Variants in VPS13D observed in about 807,000 individuals in gnomAD.
VPS13D encodes intermembrane lipid transfer protein VPS13D.
Under a neutral mutation model 461.9 loss-of-function variants are expected in VPS13D, and 187 were observed. The ratio of observed to expected loss-of-function variants is 0.40; its 90% CI spans 0.36 to 0.46. The LOEUF (loss-of-function observed/expected upper bound fraction) is 0.46, where lower values mean the gene tolerates loss of function less well. VPS13D is among the 20% of genes least tolerant of loss of function. The pLI is 0.60. For missense variants in VPS13D, 4,711 were observed against 5,364.9 expected (o/e 0.88, Z 3.81); for synonymous variants, 1,951 against 1,986.3 (o/e 0.98, Z 0.47).
Position 12,333,281 on chromosome 1 carries a change from A to C in VPS13D, c.8343A>C (p.Ala2781=), listed in dbSNP as rs747379734. The change falls in exon 38 of 70, where the codon GCA becomes GCC. Residue 2781 remains alanine (A), a synonymous_variant. Coordinates refer to ENST00000620676, the MANE Select transcript of VPS13D (RefSeq NM_015378.4). ...GCTCTGTATCCTGGCAACAGCAGGC[A>C]GCTAGTCGTCTCCATCCTCCTCGAC... ...WPCSVSWQQQ[A]ASRLHPPRLK... 9.3e-6 allele frequency: 15 copies of C among 1,614,144 alleles called. No individual in the cohort carries two copies. The highest frequency in any genetic ancestry group is 1.3e-5 in the Non-Finnish European group (15 of 1,179,978).
intron 67 of VPS13D, among the ~76,000 whole-genome samples, chr1:12,464,707 A>AG (rs1442484334): frequency 2.0e-4 from 28 of 143,044 alleles, no homozygotes; most frequent in African/African-American, 7.1e-4. Context: ...TCAGGAAGGC[A>AG]GGTGGGGGTG....
At chr1:12,244,022 C>T (rs970300830) in intron 3 of VPS13D, among the ~76,000 whole-genome samples, 6 of 152,132 alleles carry the variant, frequency 3.9e-5, no homozygotes, top group Admixed American at 1.3e-4. Flanking sequence ...GTAAAGTCTT[C>T]GCGAACTTTT....
chr1:12,334,377 A>G (rs746019951), intron 38 of VPS13D, among the ~76,000 whole-genome samples: 1 of 152,226 alleles, frequency 6.6e-6, no homozygotes, highest in Non-Finnish European at 1.5e-5. Flanking sequence ...AAGGTTAGAG[A>G]AAGTTTGTGG....
chr1:12,504,875 G>A (rs1037412121), intron 68 of VPS13D, among the ~76,000 whole-genome samples: 9 of 152,216 alleles, frequency 5.9e-5, no homozygotes, highest in East Asian at 3.9e-4. Flanking sequence ...GCATCTGCCC[G>A]GATGGGAAGC....
chr1:12,265,381 C>T (rs1343610486), intron 13 of VPS13D, among the ~76,000 whole-genome samples: 2 of 152,170 alleles, frequency 1.3e-5, no homozygotes, highest in South Asian at 2.1e-4. Context: ...TCAAACGATC[C>T]TCCTGCTTCA....
At chr1:12,377,653 C>T (rs12751611) in intron 55 of VPS13D, among the ~76,000 whole-genome samples, 1 of 151,602 alleles carries the variant, frequency 6.6e-6, no homozygotes, top group African/African-American at 2.4e-5. Context: ...AACCCTGTCT[C>T]TACTAAAAAT....
intron 67 of VPS13D, among the ~76,000 whole-genome samples, chr1:12,487,563 A>G (rs1645814039): frequency 6.6e-6 from 1 of 150,390 alleles, no homozygotes; most frequent in Admixed American, 6.6e-5. Flanking sequence ...GTGAGCCGAG[A>G]TCACACCACT....
intron 6 of VPS13D, among the ~76,000 whole-genome samples, chr1:12,250,935 T>G (rs2101236891): frequency 7.1e-6 from 1 of 140,660 alleles, no homozygotes; most frequent in Admixed American, 7.1e-5. Flanking sequence ...CTGTTGACTC[T>G]GCCATGCTCA....
Position 12,318,098 on chromosome 1 carries a change from C to G in VPS13D, c.7175C>G (p.Thr2392Arg). 1 of 1,613,652 alleles carries G rather than the reference C, an allele frequency of 6.2e-7. No individual in the cohort carries two copies. Among genetic ancestry groups the G allele is most frequent in the Non-Finnish European group, 8.5e-7 (1 of 1,179,652 alleles). Residue 2392 changes from threonine (T) to arginine (R), a missense_variant, in exon 31 of 70, where the codon ACA becomes AGA. Thr to Arg is a moderately conservative substitution (Grantham distance 71). Coordinates refer to ENST00000620676, the MANE Select transcript of VPS13D (RefSeq NM_015378.4). ...FRSTKDSSCF[T>R]VVLNNLRVFL... ...TCTACCAAGGATTCCTCCTGCTTTACAGTAGTTCTCAACAATCTCCGTGTG... is the reference window on the plus strand; with the variant it reads ...TCTACCAAGGATTCCTCCTGCTTTAGAGTAGTTCTCAACAATCTCCGTGTG...
chr1:12,499,729 C>T (rs1015689704), intron 68 of VPS13D: 15 of 985,270 alleles, frequency 1.5e-5, no homozygotes, highest in Non-Finnish European at 6.0e-6. Flanking sequence ...GAAGGAGGCA[C>T]GTGACCACGG....
chr1:12,395,346 C>T (rs1644481227), intron 60 of VPS13D, among the ~76,000 whole-genome samples: 1 of 152,188 alleles, frequency 6.6e-6, no homozygotes, highest in South Asian at 2.1e-4. Flanking sequence ...CCCACACATC[C>T]CCATTCCAAG....
At chr1:12,317,359 C>T (rs1175669527) in intron 30 of VPS13D, among the ~76,000 whole-genome samples, 1 of 151,972 alleles carries the variant, frequency 6.6e-6, no homozygotes, top group Non-Finnish European at 1.5e-5. Context: ...TAACACAGCT[C>T]GTAAATGGCA....
chr1:12,238,161 A>T (rs1640220506), intron 2 of VPS13D, among the ~76,000 whole-genome samples: 1 of 151,464 alleles, frequency 6.6e-6, no homozygotes, highest in Non-Finnish European at 1.5e-5. Context: ...CAAAAAAAAA[A>T]AAAAGAAATA....
intron 63 of VPS13D, among the ~76,000 whole-genome samples, chr1:12,406,697 A>G (rs567453427): frequency 1.4e-4 from 21 of 152,296 alleles, no homozygotes; most frequent in African/African-American, 4.8e-4. Context: ...CTGACTCCCC[A>G]TTCTCTCCAT....
rs1570157251 is a variant in VPS13D, at chr1:12,431,186, A to C, written c.12333+14359A>C. On this transcript the variant is annotated intron_variant, in intron 65 of 69. Transcript: ENST00000620676. Reference sequence around the variant, plus strand: ...TTTTGCCTATTTAACCCCATCTTGTATTCTTCCTAAGAGATGTGTCAACAC... The same window carrying C: ...TTTTGCCTATTTAACCCCATCTTGTCTTCTTCCTAAGAGATGTGTCAACAC... 2.0e-5 allele frequency among the ~76,000 whole-genome samples: 3 copies of C among 152,316 alleles called. No homozygotes were observed. In the East Asian group the frequency reaches 5.8e-4, roughly 29 times the overall value.
intron 63 of VPS13D, among the ~76,000 whole-genome samples, chr1:12,412,942 C>T (rs908543923): frequency 4.6e-5 from 7 of 152,100 alleles, no homozygotes; most frequent in African/African-American, 1.7e-4. Flanking sequence ...AGAACTCCTA[C>T]AAAGCAGTAA....
At chr1:12,233,338 C>T (rs575048100) in intron 1 of VPS13D, among the ~76,000 whole-genome samples, 10 of 152,160 alleles carry the variant, frequency 6.6e-5, no homozygotes, top group African/African-American at 1.2e-4. Flanking sequence ...CAATCTCTTA[C>T]GGCATTTTCT....
chr1:12,245,486 A>G (rs926098806), intron 5 of VPS13D, among the ~76,000 whole-genome samples: 2 of 152,216 alleles, frequency 1.3e-5, no homozygotes, highest in Non-Finnish European at 2.9e-5. Context: ...GTACAATTTA[A>G]TGTTTTTTAG....
chr1:12,279,481 TCA>T lies in VPS13D; in HGVS notation c.4451-17_4451-16del. 1 of 1,578,972 alleles carries T rather than the reference TCA, an allele frequency of 6.3e-7. No homozygotes were observed. ...ATATTAAGGTTTATGGTCTATCATTTCATCTCTTTTATGCCAGCTTTTCACAT... is the reference window on the plus strand; with the variant it reads ...ATATTAAGGTTTATGGTCTATCATTTTCTCTTTTATGCCAGCTTTTCACAT... On this transcript the variant is annotated splice_polypyrimidine_tract_variant and intron_variant, in intron 19 of 69. Coordinates refer to ENST00000620676, the MANE Select transcript of VPS13D (RefSeq NM_015378.4). The surrounding 1 kb of genome is among the most constrained non-coding windows in gnomAD (Gnocchi z 4.3).
Sources: gnomAD v4.1 joint callset for allele counts (sites outside exome capture counted in the v4.1 genomes callset) on GRCh38, gnomAD v4.1.1 for gene constraint, Gnocchi (gnomAD v3.1) non-coding constraint, MANE v1.5 for transcripts, NCBI Gene and HGNC (gene_info 2026-07-23, HGNC 2026-07-21) for gene names.